Variants in MCTP2 observed in about 807,000 individuals in gnomAD.
MCTP2 encodes the protein multiple C2 and transmembrane domain-containing protein 2.
A neutral mutation model predicts 111.6 loss-of-function variants in MCTP2; 132 were observed. The ratio of observed to expected loss-of-function variants is 1.18; its 90% CI spans 1.03 to 1.37. The LOEUF is 1.37. Among genes scored for constraint, MCTP2 ranks in the 40% most tolerant of loss-of-function variants. The pLI is 0.00. For synonymous variants in MCTP2, 395 were observed against 387.7 expected (o/e 1.02, Z -0.22); for missense variants, 1,183 against 1,067.9 (o/e 1.11, Z -1.50).
chr15:94,443,085 A>G, intron 19 of MCTP2, 125 bp downstream of exon 19: 1 of 590,196 alleles, frequency 1.7e-6, no homozygotes, highest in Non-Finnish European at 2.8e-6. Flanking sequence ...AGTTACCAGT[A>G]TAGTAATATT....
chr15:94,383,688 A>G (rs531917046), intron 12 of MCTP2, among the ~76,000 whole-genome samples: 23 of 152,244 alleles, frequency 1.5e-4, no homozygotes, highest in African/African-American at 4.8e-4. Context: ...TATGGGGGAA[A>G]CCGCCCCCAT....
At chr15:94,377,838 T>TG (rs1400284786) in intron 12 of MCTP2, among the ~76,000 whole-genome samples, 1 of 151,874 alleles carries the variant, frequency 6.6e-6, no homozygotes, top group Non-Finnish European at 1.5e-5. Context: ...AATAGAGACA[T>TG]GAGAGAGAGT....
At chr15:94,333,134 C>T (rs2077204646) in intron 4 of MCTP2, among the ~76,000 whole-genome samples, 1 of 152,142 alleles carries the variant, frequency 6.6e-6, no homozygotes. Context: ...ACTTGGGAGT[C>T]TGAGGCAGGA....
chr15:94,393,914 G>A (rs932838578), intron 14 of MCTP2, among the ~76,000 whole-genome samples: 2 of 151,856 alleles, frequency 1.3e-5, no homozygotes, highest in South Asian at 4.2e-4. Context: ...GCTGGGCGTG[G>A]TGGCGTGCTT....
chr15:94,267,362 G>A (rs978639622), intron 1 of MCTP2, among the ~76,000 whole-genome samples: 25 of 152,080 alleles, frequency 1.6e-4, no homozygotes, highest in Admixed American at 4.6e-4. Context: ...ATTTATAAGC[G>A]TTATGCTATG....
At chr15:94,315,108 C>T (rs533197684) in intron 3 of MCTP2, among the ~76,000 whole-genome samples, 6 of 152,194 alleles carry the variant, frequency 3.9e-5, no homozygotes, top group African/African-American at 1.2e-4. Flanking sequence ...GAGAACAGGA[C>T]GGGGCATCTT....
chr15:94,432,786 A>C (rs1034312701), intron 17 of MCTP2, among the ~76,000 whole-genome samples: 1 of 152,194 alleles, frequency 6.6e-6, no homozygotes, highest in Non-Finnish European at 1.5e-5. Context: ...CCTAATCTCA[A>C]ATTCACTCTT....
At chr15:94,285,190 C>T (rs981951904) in intron 1 of MCTP2, among the ~76,000 whole-genome samples, 5 of 152,150 alleles carry the variant, frequency 3.3e-5, no homozygotes, top group Non-Finnish European at 4.4e-5. Flanking sequence ...ATGTTTAATT[C>T]CTGCATCAGT....
intron 2 of MCTP2, among the ~76,000 whole-genome samples, chr15:94,311,517 A>G (rs2076142835): frequency 1.3e-5 from 2 of 152,122 alleles, no homozygotes; most frequent in South Asian, 4.1e-4. Context: ...AGTGTGGGGG[A>G]ATATCCAAAG....
At chr15:94,308,529 T>G (rs2075987141) in intron 2 of MCTP2, among the ~76,000 whole-genome samples, 1 of 152,242 alleles carries the variant, frequency 6.6e-6, no homozygotes, top group Admixed American at 6.5e-5. Context: ...AATGACAGCC[T>G]GTGGACTTGT....
intron 1 of MCTP2, among the ~76,000 whole-genome samples, chr15:94,271,564 C>G (rs1258576013): frequency 6.6e-6 from 1 of 152,058 alleles, no homozygotes; most frequent in African/African-American, 2.4e-5. Context: ...TGGGTAGGAG[C>G]TGGGGACATG....
intron 1 of MCTP2, among the ~76,000 whole-genome samples, chr15:94,264,589 C>T (rs369933800): frequency 1.5e-4 from 23 of 150,698 alleles, no homozygotes; most frequent in African/African-American, 4.6e-4. Flanking sequence ...AGAGCCTGGG[C>T]GACAGAGCGA....
intron 4 of MCTP2, among the ~76,000 whole-genome samples, chr15:94,325,028 G>A (rs1353306829): frequency 3.3e-5 from 5 of 152,146 alleles, no homozygotes; most frequent in Admixed American, 3.3e-4. Context: ...CAGCCCTCTG[G>A]GCACCTCTGT....
At chr15:94,264,557 C>T (rs533951462) in intron 1 of MCTP2, among the ~76,000 whole-genome samples, 4 of 151,708 alleles carry the variant, frequency 2.6e-5, no homozygotes, top group South Asian at 2.1e-4. Flanking sequence ...TGCAGTGAGC[C>T]GAGTTTGCGC....
chr15:94,246,921 A>G (rs568886184), intron 1 of MCTP2, among the ~76,000 whole-genome samples: 3 of 152,218 alleles, frequency 2.0e-5, no homozygotes, highest in Non-Finnish European at 2.9e-5. Flanking sequence ...GGAATGCCTT[A>G]TAAATACTAA....
intron 12 of MCTP2, among the ~76,000 whole-genome samples, chr15:94,372,187 G>C (rs1292481318): frequency 6.6e-6 from 1 of 152,232 alleles, no homozygotes; most frequent in African/African-American, 2.4e-5. Flanking sequence ...ATAATGCTGT[G>C]TGGTTCGACT....
chr15:94,234,925 A>G (rs764796292), intron 1 of MCTP2, among the ~76,000 whole-genome samples: 4 of 152,042 alleles, frequency 2.6e-5, no homozygotes, highest in Non-Finnish European at 5.9e-5. Flanking sequence ...GGAGTCCAGG[A>G]GGGTCATTCT....
chr15:94,467,412 AC>A (rs2073454676), intron 20 of MCTP2, among the ~76,000 whole-genome samples: 1 of 47,594 alleles, frequency 2.1e-5, no homozygotes, highest in Non-Finnish European at 4.4e-5. Context: ...GTTGTTACTT[AC>A]TTTTATTATA....
chr15:94,344,815 T>TA (rs1174919550), intron 7 of MCTP2, among the ~76,000 whole-genome samples: 3 of 152,200 alleles, frequency 2.0e-5, no homozygotes, highest in African/African-American at 7.2e-5. Context: ...TCTGCTTTTT[T>TA]AGAGAGAATA....
Sources: allele counts gnomAD v4.1 joint callset (sites outside exome capture counted in the v4.1 genomes callset), GRCh38; gene constraint gnomAD v4.1.1; transcripts MANE v1.5; gene names NCBI Gene and HGNC (gene_info 2026-07-23, HGNC 2026-07-21).